Variants in TENM3 observed in about 807,000 individuals in gnomAD.
TENM3 encodes the protein teneurin transmembrane protein 3.
A neutral mutation model predicts 255.1 loss-of-function variants in TENM3; 63 were observed. The ratio of observed to expected loss-of-function variants is 0.25; its 90% CI spans 0.20 to 0.30. The LOEUF is 0.30. TENM3 is among the 10% of genes least tolerant of loss of function. The pLI is 1.00. For synonymous variants in TENM3, 1,306 were observed against 1,322.3 expected (o/e 0.99, Z 0.27); for missense variants, 2,929 against 3,461.1 (o/e 0.85, Z 3.86).
chr4:181,939,564 C>A, the TENM3 span, among the ~76,000 whole-genome samples: 1 of 152,300 alleles, frequency 6.6e-6, no homozygotes, highest in East Asian at 1.9e-4. Context: ...GCCCTAAAAG[C>A]AAAACAAAAT....
intron 3 of TENM3, among the ~76,000 whole-genome samples, chr4:182,553,435 C>T (rs895370694): frequency 2.7e-5 from 4 of 150,546 alleles, no homozygotes; most frequent in Admixed American, 6.6e-5. Context: ...TGCTACATGA[C>T]GAGTTAATGG....
At chr4:181,800,428 T>TC in the TENM3 span, among the ~76,000 whole-genome samples, 1 of 152,152 alleles carries the variant, frequency 6.6e-6, no homozygotes, top group Non-Finnish European at 1.5e-5. Flanking sequence ...GGCCAGGAGT[T>TC]CAAGACCAGC....
chr4:182,166,332 G>C (rs912240620), intron 1 of TENM3, among the ~76,000 whole-genome samples: 1 of 152,170 alleles, frequency 6.6e-6, no homozygotes, highest in Non-Finnish European at 1.5e-5. Flanking sequence ...CGATATGATT[G>C]AGGGAAGAGC....
chr4:182,502,293 C>T (rs1736393627), intron 3 of TENM3, among the ~76,000 whole-genome samples: 1 of 152,162 alleles, frequency 6.6e-6, no homozygotes, highest in Non-Finnish European at 1.5e-5. Context: ...AGAGGCGGTG[C>T]TGTGTACTTC....
intron 3 of TENM3, among the ~76,000 whole-genome samples, chr4:182,413,222 G>A (rs934007410): frequency 2.0e-5 from 3 of 151,966 alleles, no homozygotes; most frequent in Non-Finnish European, 4.4e-5. Flanking sequence ...TTTCAGAACT[G>A]ATGGATAGGC....
At position 182,161,870 on chromosome 4, in the gene TENM3, TGTGTATATATATAC is replaced by T. The variant is rs1751334219; in HGVS notation, c.-76+17117_-76+17130del. On this transcript the variant is annotated intron_variant, in intron 1 of 2. Coordinates refer to the TENM3 transcript ENST00000512480. ...ATACACAAATATATATGTGTATATA[TGTGTATATATATAC>T]ACACATATATGTGTATATATACACA... Among the ~76,000 whole-genome samples the T allele has an allele frequency of 1.1e-4, 2 of 18,182 alleles. 1 individual carries two copies. The highest frequency in any genetic ancestry group is 5.3e-4 in the Non-Finnish European group (2 of 3,754). 11.9% of individuals were successfully genotyped at this position (18,182 alleles called of 152,430 possible).
the TENM3 span, among the ~76,000 whole-genome samples, chr4:182,031,012 G>T: frequency 6.6e-6 from 1 of 151,950 alleles, no homozygotes; most frequent in African/African-American, 2.4e-5. Flanking sequence ...TTTCCTCTTT[G>T]CTCTGATGAT....
chr4:181,518,746 G>A, the TENM3 span, among the ~76,000 whole-genome samples: 14 of 152,170 alleles, frequency 9.2e-5, no homozygotes, highest in Non-Finnish European at 1.3e-4. Context: ...TTTTTATAAC[G>A]CTAAAGTGTT....
At chr4:181,647,403 T>C in the TENM3 span, among the ~76,000 whole-genome samples, 2 of 152,210 alleles carry the variant, frequency 1.3e-5, no homozygotes, top group Non-Finnish European at 2.9e-5. Flanking sequence ...GCAGCAGCTC[T>C]AGGAGAGGAA....
the TENM3 span, among the ~76,000 whole-genome samples, chr4:181,597,022 A>G: frequency 6.6e-6 from 1 of 152,138 alleles, no homozygotes. Flanking sequence ...CCCATGATAC[A>G]AGTTAATCTA....
At chr4:181,624,175 C>T in the TENM3 span, among the ~76,000 whole-genome samples, 1 of 152,156 alleles carries the variant, frequency 6.6e-6, no homozygotes, top group Admixed American at 6.5e-5. Context: ...CACCCCAAAC[C>T]CTCTGGCTAC....
chr4:182,286,467 G>C (rs1281247846), intron 1 of TENM3, among the ~76,000 whole-genome samples: 1 of 152,164 alleles, frequency 6.6e-6, no homozygotes, highest in Non-Finnish European at 1.5e-5. Flanking sequence ...GAGGGAGAAA[G>C]TTCTCACCAC....
At chr4:182,755,841 CA>C (rs1007212698) in intron 22 of TENM3, among the ~76,000 whole-genome samples, 48 of 140,948 alleles carry the variant, frequency 3.4e-4, no homozygotes, top group Admixed American at 1.3e-3. Context: ...GACTCCGCCT[CA>C]AAAAAAAAAA....
At chr4:181,489,665 G>A in the TENM3 span, among the ~76,000 whole-genome samples, 1 of 152,162 alleles carries the variant, frequency 6.6e-6, no homozygotes, top group Non-Finnish European at 1.5e-5. Flanking sequence ...ACATGCATGT[G>A]TGTGTATAAA....
At chr4:182,052,610 G>A in the TENM3 span, among the ~76,000 whole-genome samples, 682 of 152,096 alleles carry the variant, frequency 4.5e-3, 6 homozygotes, top group African/African-American at 0.015. Context: ...TCTTCACCTC[G>A]GAGCTCTGCA....
the TENM3 span, among the ~76,000 whole-genome samples, chr4:181,997,318 G>T: frequency 6.6e-6 from 1 of 152,100 alleles, no homozygotes; most frequent in Non-Finnish European, 1.5e-5. Context: ...GGCTGCCTGC[G>T]CACGTGTGAT....
chr4:181,460,742 A>G, the TENM3 span, among the ~76,000 whole-genome samples: 3 of 148,126 alleles, frequency 2.0e-5, no homozygotes, highest in African/African-American at 7.5e-5. Flanking sequence ...CCACATACTC[A>G]GTAACATATA....
chr4:182,117,387 G>A, the TENM3 span, among the ~76,000 whole-genome samples: 1 of 152,110 alleles, frequency 6.6e-6, no homozygotes, highest in Non-Finnish European at 1.5e-5. Context: ...CAAAGCCAAG[G>A]TCACTGAGAT....
At chr4:182,571,402 T>TG (rs1426608437) in intron 3 of TENM3, among the ~76,000 whole-genome samples, 1 of 152,136 alleles carries the variant, frequency 6.6e-6, no homozygotes, top group Non-Finnish European at 1.5e-5. Flanking sequence ...GACATGTGCC[T>TG]GTAGTCCCAG....
Sources: gnomAD v4.1 joint callset for allele counts (sites outside exome capture counted in the v4.1 genomes callset) on GRCh38, gnomAD v4.1.1 for gene constraint, MANE v1.5 for transcripts, NCBI Gene and HGNC (gene_info 2026-07-23, HGNC 2026-07-21) for gene names.